The following TRUB1 variants were observed in gnomAD, a reference collection of about 807,000 sequenced individuals.
The protein encoded by TRUB1 is pseudouridylate synthase TRUB1.
TRUB1 carries 23 observed loss-of-function variants against 33.9 expected under a neutral mutation model. The ratio of observed to expected loss-of-function variants is 0.68; its 90% CI spans 0.49 to 0.96. The LOEUF (loss-of-function observed/expected upper bound fraction) is 0.96. Among genes scored for constraint, TRUB1 ranks in the 40% least tolerant of loss-of-function variants. The probability of loss-of-function intolerance (pLI) is 0.00; values close to 1 mark genes in which losing one functional copy is unlikely to be tolerated. For missense variants in TRUB1, 378 were observed against 422.2 expected, an observed-to-expected ratio of 0.90 and a Z score of 0.92; for synonymous variants, 163 against 165.4, an observed-to-expected ratio of 0.99 and a Z score of 0.11.
rs1464014952 is a variant in TRUB1, at chr10:114,976,531, T to G, written c.*1152T>G. Reference sequence around the variant, plus strand: ...TAGAAACATTCAGATCCCTCTTCCTTTACTCAAATACAGTTTCAAAAGGAA... The same window carrying G: ...TAGAAACATTCAGATCCCTCTTCCTGTACTCAAATACAGTTTCAAAAGGAA... On this transcript the variant is annotated 3_prime_UTR_variant, in exon 8 of 8. Coordinates refer to ENST00000298746, the MANE Select transcript of TRUB1 (RefSeq NM_139169.5). The G allele has an allele frequency of 1.3e-5, 2 of 152,154 alleles. No individual in the cohort carries two copies. Among genetic ancestry groups the G allele is most frequent in the African/African-American group, 2.4e-5 (1 of 41,450 alleles). 9.4% of individuals were successfully genotyped at this position (152,154 alleles called of 1,614,324 possible).
In TRUB1 at chr10:114,972,195, C is replaced by T. The variant is rs143407028; in HGVS notation, c.657C>T (p.Val219=). The T allele has an allele frequency of 1.4e-3, 2,329 of 1,613,606 alleles. 26 individuals carry two copies. The highest frequency in any genetic ancestry group is 5.4e-4 in the East Asian group (24 of 44,830). ...CGACTTTGATGAAGAGAGGTGAAGT[C>T]GTAGAAGCAAAACCTGCCAGGCCAG... ...RLSTLMKRGE[V]VEAKPARPVT... Residue 219 remains valine, a synonymous_variant, in exon 6 of 8, where the codon GTC becomes GTT. Coordinates refer to ENST00000298746, the MANE Select transcript of TRUB1 (RefSeq NM_139169.5).
In TRUB1 at chr10:114,942,799, C is replaced by T. The variant is rs960149898; in HGVS notation, c.385+56C>T. On this transcript the variant is annotated intron_variant, in intron 2 of 7. Coordinates refer to ENST00000298746, the MANE Select transcript of TRUB1 (RefSeq NM_139169.5). ...ACTGTCACTTAATATCAGAAAGAAA[C>T]ACTGGTTGAGAACAGATAGATTGAC... The T allele has an allele frequency of 7.7e-5, 89 of 1,157,974 alleles. 1 individual carries two copies. Among genetic ancestry groups the T allele is most frequent in the Middle Eastern group, 5.8e-4 (3 of 5,206 alleles). The allele number at this position is 1,157,974 out of a possible 1,614,324, so 71.7% of individuals were successfully genotyped here.
intron 6 of TRUB1, 149 bp downstream of exon 6, chr10:114,972,423 T>C (rs1483156922): frequency 8.8e-6 from 8 of 907,876 alleles, no homozygotes; most frequent in Non-Finnish European, 1.3e-5. Flanking sequence ...TTATACCTTT[T>C]TTGGTAACAC....
chr10:114,959,848 A>G (rs781442575), intron 4 of TRUB1, 41 bp downstream of exon 4: 1 of 1,273,168 alleles, frequency 7.9e-7, no homozygotes, highest in Non-Finnish European at 1.1e-6. Flanking sequence ...TCTAACATTT[A>G]GGAAAAGTTT....
Position 114,940,445 on chromosome 10 carries a change from A to G in TRUB1, c.286+1906A>G, listed in dbSNP as rs1285264308. On this transcript the variant is annotated intron_variant, in intron 1 of 7. Coordinates refer to ENST00000298746, the MANE Select transcript of TRUB1 (RefSeq NM_139169.5). ...CTTGGGAAGGTTCTTAAAGATACCT[A>G]CATTCTAATGCCATGTTTGACAACC... 3.9e-5 allele frequency among the ~76,000 whole-genome samples: 6 copies of G among 152,284 alleles called. No homozygotes were observed. In the South Asian group the frequency reaches 1.0e-3, roughly 26 times the overall value.
chr10:114,961,143 A>T (rs2084283712), intron 4 of TRUB1, among the ~76,000 whole-genome samples: 1 of 152,048 alleles, frequency 6.6e-6, no homozygotes, highest in Non-Finnish European at 1.5e-5. Flanking sequence ...AATGACAATA[A>T]TGATAGCAAC....
intron 5 of TRUB1, 74 bp downstream of exon 5, chr10:114,970,514 ACACGAGT>A (rs1352833039): frequency 5.7e-5 from 65 of 1,141,266 alleles, no homozygotes; most frequent in Non-Finnish European, 8.4e-5. Context: ...TAGTTAAAAT[ACACGAGT>A]TTCCTCTTAG....
intron 3 of TRUB1, among the ~76,000 whole-genome samples, chr10:114,954,306 G>A (rs73372643): frequency 0.077 from 11,777 of 152,186 alleles, 1,347 homozygotes; most frequent in African/African-American, 0.25. Context: ...CTAGCCAGTC[G>A]TAATTGGAGA....
rs1259007423 is a variant in TRUB1 at position 114,977,198 on chromosome 10, T to A, written c.*1819T>A. ...GCCAAATGGGAAAATTACTGTTACC[T>A]CTACCATCTTAATGTAGTAACTTTA... On this transcript the variant is annotated 3_prime_UTR_variant, in exon 8 of 8. Transcript: ENST00000298746. The A allele has an allele frequency of 6.6e-6, 1 of 152,176 alleles. No individual in the cohort carries two copies. The highest frequency in any genetic ancestry group is 1.5e-5 in the Non-Finnish European group (1 of 68,018). The allele number at this position is 152,176 out of a possible 1,614,324, so 9.4% of individuals were successfully genotyped here.
At position 114,975,105 on chromosome 10, in the gene TRUB1, TACC is replaced by T; in HGVS notation, c.794-17_794-15del. On this transcript the variant is annotated splice_polypyrimidine_tract_variant and intron_variant, in intron 7 of 7. Coordinates refer to ENST00000298746, the MANE Select transcript of TRUB1 (RefSeq NM_139169.5). ...TCGTTTATCTTCTGGATTTTTTTTC[TACC>T]TTTTGTTGCCATAGAACTATCTTCC... is the stretch of plus-strand genomic sequence containing the variant. 1 of 1,588,626 alleles carries T rather than the reference TACC, an allele frequency of 6.3e-7. No homozygotes were observed. The highest frequency in any genetic ancestry group is 8.6e-7 in the Non-Finnish European group (1 of 1,168,900).
At chr10:114,967,366 T>C (rs2084314820) in intron 4 of TRUB1, among the ~76,000 whole-genome samples, 2 of 152,186 alleles carry the variant, frequency 1.3e-5, no homozygotes, top group Admixed American at 6.5e-5. Flanking sequence ...AACAGCTGTT[T>C]ATGGTGGCAA....
intron 4 of TRUB1, among the ~76,000 whole-genome samples, chr10:114,968,876 T>C (rs1224124637): frequency 6.6e-6 from 1 of 152,172 alleles, no homozygotes; most frequent in Non-Finnish European, 1.5e-5. Flanking sequence ...TTAATATTGT[T>C]CAAATAAATT....
chr10:114,956,853 T>A (rs559716303), intron 3 of TRUB1, among the ~76,000 whole-genome samples: 1 of 152,198 alleles, frequency 6.6e-6, no homozygotes, highest in Non-Finnish European at 1.5e-5. Flanking sequence ...TGCCAGGGTT[T>A]CTCAATAAGT....
intron 4 of TRUB1, among the ~76,000 whole-genome samples, chr10:114,962,508 T>A (rs2084288668): frequency 6.6e-6 from 1 of 152,206 alleles, no homozygotes; most frequent in African/African-American, 2.4e-5. Context: ...CTTAAGAACA[T>A]TAATTTGCCA....
chr10:114,943,302 C>T (rs537819352), intron 2 of TRUB1, among the ~76,000 whole-genome samples: 18 of 152,170 alleles, frequency 1.2e-4, no homozygotes, highest in Non-Finnish European at 2.2e-4. Flanking sequence ...GAGGCTGAGG[C>T]GCGTGGATCA....
At chr10:114,949,372 T>C (rs1393439746) in intron 2 of TRUB1, among the ~76,000 whole-genome samples, 1 of 152,250 alleles carries the variant, frequency 6.6e-6, no homozygotes. Flanking sequence ...AAGAGTATTA[T>C]GCTCTTCAGA....
intron 3 of TRUB1, among the ~76,000 whole-genome samples, chr10:114,952,543 T>C (rs909781900): frequency 6.6e-6 from 1 of 152,202 alleles, no homozygotes; most frequent in African/African-American, 2.4e-5. Flanking sequence ...ATTGATTGAT[T>C]GATTGATCGA....
chr10:114,948,883 T>G (rs79379730), intron 2 of TRUB1, among the ~76,000 whole-genome samples: 1,535 of 152,322 alleles, frequency 0.01, 24 homozygotes, highest in African/African-American at 0.036. Flanking sequence ...TCTGAGAGTT[T>G]GTGCAATTAT....
chr10:114,943,478 C>T (rs1037754556), intron 2 of TRUB1, among the ~76,000 whole-genome samples: 8 of 152,152 alleles, frequency 5.3e-5, no homozygotes, highest in African/African-American at 1.4e-4. Context: ...TTCAGTGAGC[C>T]GAGATCGCAC....
Sources: allele counts gnomAD v4.1 joint callset (sites outside exome capture counted in the v4.1 genomes callset), GRCh38; gene constraint gnomAD v4.1.1; transcripts MANE v1.5; gene names NCBI Gene and HGNC (gene_info 2026-07-23, HGNC 2026-07-21).